Variants in FNTB observed in about 807,000 individuals in gnomAD.
The protein encoded by FNTB is farnesyltransferase, CAAX box, subunit beta.
FNTB carries 27 observed loss-of-function variants against 59.4 expected under a neutral mutation model. The observed-to-expected ratio is 0.45, with a 90% CI of 0.34 to 0.63. FNTB has a LOEUF of 0.63. Ranked by LOEUF, FNTB falls within the 20% of genes least tolerant of loss-of-function variation. FNTB has a pLI of 0.02. For missense variants in FNTB, 449 were observed against 559.6 expected (o/e 0.80, Z 1.99); for synonymous variants, 230 against 220.7 (o/e 1.04, Z -0.37).
chr14:65,061,122 G>GTGTTA, intron 11 of FNTB, 59 bp from the exon 12 acceptor site: 7 of 1,598,616 alleles, frequency 4.4e-6, no homozygotes, highest in Non-Finnish European at 6.0e-6. Flanking sequence ...AGCAAAGGAT[G>GTGTTA]TGTTATGTTT....
chr14:65,043,779 G>A (rs529449870), intron 8 of FNTB, among the ~76,000 whole-genome samples: 81 of 130,392 alleles, frequency 6.2e-4, no homozygotes, highest in East Asian at 3.1e-3. Context: ...CCGAGATTGC[G>A]CCACTGCAGT....
rs1459991745 is a variant in FNTB at position 65,028,683 on chromosome 14, T to G, written c.605+902T>G. Among the ~76,000 whole-genome samples, 1 of 152,196 alleles carries G rather than the reference T, an allele frequency of 6.6e-6. No individual in the cohort carries two copies. ...CTGCAAAGGCCTTTAGTTCAAGATGTTCTTCTATCTCTAACTTGTCTAATC... is the reference window on the plus strand; with the variant it reads ...CTGCAAAGGCCTTTAGTTCAAGATGGTCTTCTATCTCTAACTTGTCTAATC... On this transcript the variant is annotated intron_variant, in intron 6 of 11. Coordinates refer to ENST00000246166, the MANE Select transcript of FNTB (RefSeq NM_002028.4). This position sits in a 1 kb window ranked among gnomAD's most constrained non-coding sequence, Gnocchi z 4.4.
chr14:65,005,499 TTC>T (rs1426919721), intron 2 of FNTB, among the ~76,000 whole-genome samples: 7 of 131,012 alleles, frequency 5.3e-5, no homozygotes, highest in South Asian at 2.4e-4. Context: ...CTTTCTTTCT[TTC>T]TTTCTTTCTT....
chr14:65,044,193 G>A lies in FNTB; in HGVS notation c.823-118G>A. The A allele has an allele frequency of 6.4e-7, 1 of 1,555,280 alleles. No homozygotes were observed. On this transcript the variant is annotated intron_variant, in intron 8 of 11. Coordinates refer to ENST00000246166, the MANE Select transcript of FNTB (RefSeq NM_002028.4). The surrounding 1 kb of genome is among the most constrained non-coding windows in gnomAD (Gnocchi z 5.5). Reference sequence around the variant, plus strand: ...AAAACCAGAGCACCAAAACTAGAGTGCCAAGAAGCCACAAGATGGGAAACC... The same window carrying A: ...AAAACCAGAGCACCAAAACTAGAGTACCAAGAAGCCACAAGATGGGAAACC...
intron 4 of FNTB, among the ~76,000 whole-genome samples, chr14:65,021,404 C>T (rs1324687233): frequency 6.6e-6 from 1 of 152,178 alleles, no homozygotes; most frequent in African/African-American, 2.4e-5. Context: ...TAGCTTATCC[C>T]CGGAATAGCC....
chr14:65,006,431 A>G (rs2061591722), intron 2 of FNTB: 1 of 1,312,528 alleles, frequency 7.6e-7, no homozygotes, highest in South Asian at 1.5e-5. Flanking sequence ...AGATTAGCAA[A>G]TGACGCCATT....
intron 1 of FNTB, 58 bp from the exon 2 acceptor site, chr14:65,004,191 C>A: frequency 6.3e-7 from 1 of 1,583,148 alleles, no homozygotes. Flanking sequence ...GAAGAAAAAG[C>A]TGATGGAGGT....
At position 65,015,689 on chromosome 14, in the gene FNTB, A is replaced by G; in HGVS notation, c.347A>G (p.Glu116Gly). 6.2e-7 allele frequency: 1 copy of G among 1,614,138 alleles called. No individual in the cohort carries two copies. Among genetic ancestry groups the G allele is most frequent in the Non-Finnish European group, 8.5e-7 (1 of 1,180,010 alleles). Reference protein sequence around the residue: ...WILHSLELLDEPIPQIVATDV... With the variant: ...WILHSLELLDGPIPQIVATDV... The stretch of plus-strand genomic sequence containing the variant: ...CTGCACAGCTTGGAACTGCTAGATG[A>G]ACCCATCCCCCAGATAGTGGCTACA... Residue 116 changes from glutamate (E) to glycine (G), a missense_variant, in exon 4 of 12, where the codon GAA becomes GGA. This residue lies in a region of FNTB where 337 missense variants were observed against 479.1 expected (regional missense o/e 0.70). Transcript: ENST00000246166.
At chr14:65,036,663 C>A (rs1289093231) in intron 7 of FNTB, among the ~76,000 whole-genome samples, 1 of 151,972 alleles carries the variant, frequency 6.6e-6, no homozygotes, top group Non-Finnish European at 1.5e-5. Context: ...CTTTTTCTAT[C>A]CCCATCCTGT....
chr14:65,034,813 T>A (rs1021052567), intron 7 of FNTB, among the ~76,000 whole-genome samples: 10 of 152,238 alleles, frequency 6.6e-5, no homozygotes, highest in African/African-American at 2.4e-5. Flanking sequence ...GTCAGCTCCA[T>A]GAGTCTTCCT....
chr14:65,012,212 C>A lies in FNTB; in HGVS notation c.210-105C>A. The A allele has an allele frequency of 1.4e-6, 2 of 1,392,654 alleles. No individual in the cohort carries two copies. The highest frequency in any genetic ancestry group is 2.4e-5 in the East Asian group (1 of 42,298). The allele number at this position is 1,392,654 out of a possible 1,614,324, so 86.3% of individuals were successfully genotyped here. On this transcript the variant is annotated intron_variant, in intron 2 of 11. Transcript: ENST00000246166. The surrounding 1 kb of genome is among the most constrained non-coding windows in gnomAD (Gnocchi z 5.0). ...TATCCAGTCAGTGATTGCAGGGGGACGTCCTGAAGCTGAGTGTTTACCCGT... is the reference window on the plus strand; with the variant it reads ...TATCCAGTCAGTGATTGCAGGGGGAAGTCCTGAAGCTGAGTGTTTACCCGT...
intron 1 of FNTB, among the ~76,000 whole-genome samples, chr14:64,993,269 A>T (rs1250414691): frequency 2.0e-5 from 3 of 152,246 alleles, no homozygotes; most frequent in Non-Finnish European, 4.4e-5. Context: ...CTCTAAAAAA[A>T]GTAAAAAATG....
At chr14:65,020,882 C>T (rs922159834) in intron 4 of FNTB, among the ~76,000 whole-genome samples, 2 of 151,998 alleles carry the variant, frequency 1.3e-5, no homozygotes, top group African/African-American at 4.8e-5. Flanking sequence ...CAGGGGTGTG[C>T]CACCACGCCC....
chr14:65,030,064 C>T lies in FNTB; in HGVS notation c.605+2283C>T, dbSNP rs1944641438. On this transcript the variant is annotated intron_variant, in intron 6 of 11. Transcript: ENST00000246166. This position sits in a 1 kb window ranked among gnomAD's most constrained non-coding sequence, Gnocchi z 4.5. ...GTTGTATTACGTTTCCTCCCCATCT[C>T]AGCGTGAGACCTGGGACTCCTGTCT... Among the ~76,000 whole-genome samples the T allele has an allele frequency of 6.6e-6, 1 of 152,170 alleles. No individual in the cohort carries two copies. The highest frequency in any genetic ancestry group is 2.4e-5 in the African/African-American group (1 of 41,430).
At chr14:65,006,239 G>T (rs2061587637) in intron 2 of FNTB, 2 of 1,610,226 alleles carry the variant, frequency 1.2e-6, no homozygotes, top group Non-Finnish European at 8.5e-7. Context: ...AAAGGCAAGT[G>T]TTCATAAGGA....
At chr14:65,019,760 G>T (rs1021695705) in intron 4 of FNTB, among the ~76,000 whole-genome samples, 3 of 152,080 alleles carry the variant, frequency 2.0e-5, no homozygotes, top group African/African-American at 7.2e-5. Context: ...CCTAGGAGGT[G>T]GTTACTTCTA....
intron 9 of FNTB, 85 bp from the exon 10 acceptor site, chr14:65,053,153 A>G (rs901368592): frequency 3.7e-5 from 40 of 1,089,694 alleles, no homozygotes; most frequent in African/African-American, 3.1e-4. Flanking sequence ...AACCTTGACT[A>G]TTCCCCCAGG....
Position 65,049,301 on chromosome 14 carries a change from A to G in FNTB, c.956-3937A>G, listed in dbSNP as rs931004096. Among the ~76,000 whole-genome samples, 3 of 152,250 alleles carry G rather than the reference A, an allele frequency of 2.0e-5. No individual in the cohort carries two copies. The East Asian group carries it at 5.8e-4, about 29-fold the overall frequency. ...GACATACCCTGGAATTTTCTTGCCT[A>G]CCTGTGAAATTGAGCTACAGATGGC... On this transcript the variant is annotated intron_variant, in intron 9 of 11. Coordinates refer to ENST00000246166, the MANE Select transcript of FNTB (RefSeq NM_002028.4).
chr14:65,043,337 G>C (rs1341688181), intron 8 of FNTB, among the ~76,000 whole-genome samples: 1 of 152,172 alleles, frequency 6.6e-6, no homozygotes, highest in Non-Finnish European at 1.5e-5. Context: ...GTGACATCAA[G>C]ACCAAGACCT....
Sources: gnomAD v4.1 joint callset for allele counts (sites outside exome capture counted in the v4.1 genomes callset) on GRCh38, gnomAD v4.1.1 for gene constraint, gnomAD v4.1.1 regional missense constraint, Gnocchi (gnomAD v3.1) non-coding constraint, MANE v1.5 for transcripts, NCBI Gene and HGNC (gene_info 2026-07-23, HGNC 2026-07-21) for gene names.